Variants in NSUN4 observed in about 807,000 individuals in gnomAD.
NSUN4 encodes the protein 5-cytosine rRNA methyltransferase NSUN4.
In NSUN4, 31 loss-of-function variants were observed where a neutral mutation model predicts 43.8. The ratio of observed to expected loss-of-function variants is 0.71; its 90% CI spans 0.53 to 0.96. The LOEUF is 0.96. Among genes scored for constraint, NSUN4 ranks in the 40% least tolerant of loss-of-function variants. The pLI, the probability that NSUN4 is intolerant of heterozygous loss-of-function variation, is 0.00. For synonymous variants in NSUN4, 167 were observed against 184.1 expected, an observed-to-expected ratio of 0.91 and a Z score of 0.75; for missense variants, 439 against 475.6, an observed-to-expected ratio of 0.92 and a Z score of 0.72.
intron 4 of NSUN4, among the ~76,000 whole-genome samples, chr1:46,354,056 A>G (rs1316567505): frequency 6.6e-6 from 1 of 152,096 alleles, no homozygotes; most frequent in Non-Finnish European, 1.5e-5. Flanking sequence ...GATAGTATCT[A>G]ATTTACAATC....
At chr1:46,346,629 C>T (rs6688130) in intron 2 of NSUN4, among the ~76,000 whole-genome samples, 5,714 of 151,074 alleles carry the variant, frequency 0.038, 383 homozygotes, top group African/African-American at 0.13. Context: ...GAGGCTGAGA[C>T]GGGAGAATCA....
In NSUN4 at chr1:46,340,925, G is replaced by T; in HGVS notation, c.93+6G>T. 1 of 1,610,310 alleles carries T rather than the reference G, an allele frequency of 6.2e-7. No individual in the cohort carries two copies. Among genetic ancestry groups the T allele is most frequent in the Non-Finnish European group, 8.5e-7 (1 of 1,177,874 alleles). ...ATCGATATAAGAAGAAATGGGTAAGGTCCGGCTGGGGGCGCAGGAGGGAAA... is the reference window on the plus strand; with the variant it reads ...ATCGATATAAGAAGAAATGGGTAAGTTCCGGCTGGGGGCGCAGGAGGGAAA... On this transcript the variant is annotated splice_donor_region_variant and intron_variant, in intron 1 of 5. Transcript: ENST00000474844.
chr1:46,360,827 GC>G lies in NSUN4; in HGVS notation c.878del (p.Ala293GlyfsTer49). ...ILPVLQVQLL[A>X]AGLLATKPGG... ...GCCTGTGCTGCAAGTGCAGCTTCTT[GC>G]GTGAGTGACAGATTTTTAAACTCAG... is the stretch of plus-strand genomic sequence containing the variant. On this transcript the variant is annotated frameshift_variant and splice_region_variant, in exon 5 of 6. Transcript: ENST00000474844. LOFTEE classifies it high-confidence loss of function. 6.2e-7 allele frequency: 1 copy of G among 1,613,704 alleles called. No individual in the cohort carries two copies. Among genetic ancestry groups the G allele is most frequent in the Non-Finnish European group, 8.5e-7 (1 of 1,179,720 alleles).
chr1:46,355,790 G>T (rs2148401589), intron 4 of NSUN4, among the ~76,000 whole-genome samples: 1 of 152,268 alleles, frequency 6.6e-6, no homozygotes, highest in Middle Eastern at 3.4e-3. Flanking sequence ...CAAGGTGGGT[G>T]GATCACCTGA....
At chr1:46,350,096 C>T (rs1662869274) in intron 3 of NSUN4, among the ~76,000 whole-genome samples, 1 of 152,170 alleles carries the variant, frequency 6.6e-6, no homozygotes, top group African/African-American at 2.4e-5. Flanking sequence ...AAATTGAGTT[C>T]TGTGGAGATT....
chr1:46,342,987 G>A lies in NSUN4; in HGVS notation c.94-1814G>A, dbSNP rs960417653. ...CCCAGGGACTACCTTACTGACTGTG[G>A]TCCCTAGAGCTCTCAAAAGTGTTAT... On this transcript the variant is annotated intron_variant, in intron 1 of 5. Coordinates refer to ENST00000474844, the MANE Select transcript of NSUN4 (RefSeq NM_199044.4). 50 of 399,328 alleles carry A rather than the reference G, an allele frequency of 1.3e-4. No individual in the cohort carries two copies. The East Asian group carries it at 1.8e-3, about 14-fold the overall frequency. The allele number at this position is 399,328 out of a possible 1,614,324, so 24.7% of individuals were successfully genotyped here.
intron 2 of NSUN4, among the ~76,000 whole-genome samples, chr1:46,346,240 G>C (rs1015482380): frequency 6.6e-6 from 1 of 151,474 alleles, no homozygotes; most frequent in Non-Finnish European, 1.5e-5. Flanking sequence ...AGTTTAGTGA[G>C]GAAGACAGCT....
chr1:46,358,680 A>G (rs1385422338), intron 4 of NSUN4, among the ~76,000 whole-genome samples: 6 of 152,092 alleles, frequency 3.9e-5, no homozygotes, highest in Admixed American at 2.0e-4. Flanking sequence ...AATTACAGGT[A>G]TGAGCCGCTG....
chr1:46,343,468 C>T (rs144132611), intron 1 of NSUN4: 6 of 399,602 alleles, frequency 1.5e-5, no homozygotes, highest in Non-Finnish European at 2.7e-5. Flanking sequence ...TCCAAGGATT[C>T]CAGCTGTAGC....
chr1:46,356,548 C>T (rs1340847174), intron 4 of NSUN4, among the ~76,000 whole-genome samples: 11 of 152,042 alleles, frequency 7.2e-5, no homozygotes, highest in African/African-American at 2.2e-4. Flanking sequence ...AAAAATTAGC[C>T]GGGTGAGATG....
the NSUN4 span, among the ~76,000 whole-genome samples, chr1:46,376,883 G>T: frequency 6.6e-6 from 1 of 151,792 alleles, no homozygotes; most frequent in Admixed American, 6.6e-5. Context: ...TCAGCCTCCC[G>T]AGTAGCTGGG....
At chr1:46,370,184 CT>C in the NSUN4 span, among the ~76,000 whole-genome samples, 2 of 152,106 alleles carry the variant, frequency 1.3e-5, no homozygotes, top group South Asian at 4.1e-4. Flanking sequence ...GAAAGACAGA[CT>C]TAGGGAAGAG....
chr1:46,348,808 G>GTTTTTTT (rs869234807), intron 3 of NSUN4, among the ~76,000 whole-genome samples: 17 of 77,866 alleles, frequency 2.2e-4, no homozygotes, highest in East Asian at 8.1e-4. Flanking sequence ...CTTGTGCACT[G>GTTTTTTT]TTTTTTTTTT....
chr1:46,354,827 G>A (rs914685169), intron 4 of NSUN4, among the ~76,000 whole-genome samples: 1 of 145,364 alleles, frequency 6.9e-6, no homozygotes. Context: ...GTGCCACCAC[G>A]CCTGACTAAT....
chr1:46,360,797 A>G lies in NSUN4; in HGVS notation c.847A>G (p.Ile283Val). The G allele has an allele frequency of 1.2e-6, 2 of 1,614,052 alleles. No homozygotes were observed. The highest frequency in any genetic ancestry group is 8.5e-7 in the Non-Finnish European group (1 of 1,179,918). ...GCGGTCAAGGAAGAAGGAGCGACAG[A>G]TATTGCCTGTGCTGCAAGTGCAGCT... Reference protein sequence around the residue: ...FKRSRKKERQILPVLQVQLLA... With the variant: ...FKRSRKKERQVLPVLQVQLLA... The change falls in exon 5 of 6, where the codon ATA becomes GTA. Residue 283 changes from isoleucine to valine, a missense_variant. Coordinates refer to ENST00000474844, the MANE Select transcript of NSUN4 (RefSeq NM_199044.4).
At chr1:46,369,042 C>G (rs1203059770), downstream of NSUN4, among the ~76,000 whole-genome samples, 1 of 152,194 alleles carries the variant, frequency 6.6e-6, no homozygotes, top group East Asian at 1.9e-4. Flanking sequence ...ATAGCATACC[C>G]CAATGCTTCT....
the NSUN4 span, among the ~76,000 whole-genome samples, chr1:46,371,294 A>AT: frequency 7.0e-6 from 1 of 143,700 alleles, no homozygotes; most frequent in East Asian, 2.0e-4. Context: ...CGCCTGGCTA[A>AT]TTTTTCTTTT....
the NSUN4 span, among the ~76,000 whole-genome samples, chr1:46,377,120 G>A: frequency 6.6e-6 from 1 of 151,700 alleles, no homozygotes; most frequent in African/African-American, 2.4e-5. Context: ...CGTGATCTCA[G>A]CTCACTGCAA....
chr1:46,364,215 C>T lies in NSUN4; in HGVS notation c.*2369C>T, dbSNP rs537441022. The T allele has an allele frequency of 6.7e-6, 1 of 149,214 alleles. No individual in the cohort carries two copies. The highest frequency in any genetic ancestry group is 2.0e-4 in the East Asian group (1 of 5,044). 9.2% of individuals were successfully genotyped at this position (149,214 alleles called of 1,614,324 possible). ...GTCCCAGCTACTCAGGAGGCTGAGGCAGGAGGATCACTTGAGCACAGGAGT... is the reference window on the plus strand; with the variant it reads ...GTCCCAGCTACTCAGGAGGCTGAGGTAGGAGGATCACTTGAGCACAGGAGT... On this transcript the variant is annotated 3_prime_UTR_variant, in exon 6 of 6. Transcript: ENST00000474844.
Sources: allele counts gnomAD v4.1 joint callset (sites outside exome capture counted in the v4.1 genomes callset), GRCh38; gene constraint gnomAD v4.1.1; transcripts MANE v1.5; gene names NCBI Gene and HGNC (gene_info 2026-07-23, HGNC 2026-07-21).